The following IL33 variants were observed in gnomAD, a reference collection of about 807,000 sequenced individuals.
The protein encoded by IL33 is interleukin-33.
In IL33, 37 loss-of-function variants were observed where a neutral mutation model predicts 27.3. That is an observed-to-expected ratio of 1.36 (90% confidence interval 1.04 to 1.78). The LOEUF is 1.78. Among genes scored for constraint, IL33 ranks in the 40% most tolerant of loss-of-function variants. The pLI is 0.00. For missense variants in IL33, 406 were observed against 311.4 expected (o/e 1.30, Z -2.29); for synonymous variants, 132 against 102.9 (o/e 1.28, Z -1.71).
At chr9:6,237,927 A>G (rs890473731) in intron 1 of IL33, among the ~76,000 whole-genome samples, 1 of 152,212 alleles carries the variant, frequency 6.6e-6, no homozygotes, top group Non-Finnish European at 1.5e-5. Context: ...TATTTTATAT[A>G]CAACTTAAAA....
At chr9:6,241,660 T>G (rs1283836084) in intron 1 of IL33, 24 bp from the exon 2 acceptor site, 1 of 1,410,736 alleles carries the variant, frequency 7.1e-7, no homozygotes, top group African/African-American at 1.4e-5. Context: ...ACAAATGAAC[T>G]AATATTATAT....
chr9:6,222,910 A>G (rs1305582084), intron 1 of IL33, among the ~76,000 whole-genome samples: 8 of 152,146 alleles, frequency 5.3e-5, no homozygotes. Context: ...TCTTTCTTTC[A>G]AGCTTTTTAA....
At chr9:6,235,629 G>C (rs1260560214) in intron 1 of IL33, among the ~76,000 whole-genome samples, 1 of 151,744 alleles carries the variant, frequency 6.6e-6, no homozygotes, top group African/African-American at 2.4e-5. Context: ...CACAGACAAG[G>C]GTCTAATTTC....
chr9:6,228,483 A>G (rs944486036), intron 1 of IL33, among the ~76,000 whole-genome samples: 1 of 152,166 alleles, frequency 6.6e-6, no homozygotes, highest in African/African-American at 2.4e-5. Context: ...GAGTTAAACT[A>G]AAACCAAAGG....
chr9:6,257,182 G>A lies in IL33; in HGVS notation c.*1014G>A, dbSNP rs1816785204. 1.3e-5 allele frequency: 2 copies of A among 152,026 alleles called. No individual in the cohort carries two copies. Among genetic ancestry groups the A allele is most frequent in the Non-Finnish European group, 2.9e-5 (2 of 67,992 alleles). 9.4% of individuals were successfully genotyped at this position (152,026 alleles called of 1,614,324 possible). A position where few individuals can be genotyped will look rare whatever the true frequency, so the allele number is the denominator to read the frequency against. On this transcript the variant is annotated 3_prime_UTR_variant, in exon 8 of 8. Transcript: ENST00000682010. ...CATCCCTTCTGACCCTGGCTTCCAG[G>A]GACCTATGTCTTTTAATACTCACTG... is the stretch of plus-strand genomic sequence containing the variant.
chr9:6,240,296 T>A (rs143346868), intron 1 of IL33, among the ~76,000 whole-genome samples: 60 of 152,248 alleles, frequency 3.9e-4, no homozygotes, highest in African/African-American at 1.4e-3. Flanking sequence ...AAGAAATACA[T>A]TCATTTGGTC....
intron 2 of IL33, among the ~76,000 whole-genome samples, chr9:6,249,515 A>T (rs950746548): frequency 6.6e-6 from 1 of 152,216 alleles, no homozygotes; most frequent in African/African-American, 2.4e-5. Context: ...TAGCAAATTT[A>T]ATTTTCTTTT....
chr9:6,219,584 C>A (rs569538855), intron 1 of IL33, among the ~76,000 whole-genome samples: 31 of 152,258 alleles, frequency 2.0e-4, no homozygotes, highest in African/African-American at 7.5e-4. Context: ...CATTGACCAG[C>A]TGTGTAATTT....
At chr9:6,226,186 AT>A (rs1038964036) in intron 1 of IL33, among the ~76,000 whole-genome samples, 47 of 150,798 alleles carry the variant, frequency 3.1e-4, no homozygotes, top group African/African-American at 5.6e-4. Flanking sequence ...TTTTTTAATT[AT>A]TTTTTTTTAA....
intron 6 of IL33, among the ~76,000 whole-genome samples, 195 bp downstream of exon 6, chr9:6,253,797 A>G (rs1203011959): frequency 1.3e-5 from 2 of 152,208 alleles, no homozygotes; most frequent in African/African-American, 4.8e-5. Context: ...GTTAGGATAA[A>G]GTTTTGGCTA....
intron 6 of IL33, among the ~76,000 whole-genome samples, chr9:6,254,066 A>G (rs1816577969): frequency 6.6e-6 from 1 of 152,086 alleles, no homozygotes; most frequent in African/African-American, 2.4e-5. Flanking sequence ...CTCTTATCTC[A>G]CATTGGTCAG....
intron 2 of IL33, among the ~76,000 whole-genome samples, chr9:6,247,552 T>C (rs1819935585): frequency 6.6e-6 from 1 of 152,208 alleles, no homozygotes; most frequent in African/African-American, 2.4e-5. Context: ...GGATTCATGC[T>C]GCTGTTATGA....
chr9:6,252,053 A>C (rs1447398888), intron 4 of IL33, among the ~76,000 whole-genome samples: 1 of 15,888 alleles, frequency 6.3e-5, no homozygotes, highest in Admixed American at 7.4e-4. Flanking sequence ...ACAAACAAAC[A>C]AACAAAAAAA....
intron 2 of IL33, among the ~76,000 whole-genome samples, chr9:6,244,760 C>A (rs1448943918): frequency 6.6e-6 from 1 of 152,148 alleles, no homozygotes; most frequent in East Asian, 1.9e-4. Flanking sequence ...CAAGATATGT[C>A]ATATCTTGTT....
intron 1 of IL33, among the ~76,000 whole-genome samples, chr9:6,230,064 T>C (rs901907930): frequency 6.6e-6 from 1 of 152,088 alleles, no homozygotes; most frequent in Non-Finnish European, 1.5e-5. Context: ...GTAGAGAGTA[T>C]GGAGGGAGGG....
At chr9:6,232,524 C>T (rs895239140) in intron 1 of IL33, among the ~76,000 whole-genome samples, 10 of 151,988 alleles carry the variant, frequency 6.6e-5, no homozygotes, top group African/African-American at 2.4e-4. Context: ...ACTCCTTACT[C>T]TCTCCCTCCT....
At chr9:6,218,912 A>G (rs1439134423) in intron 1 of IL33, among the ~76,000 whole-genome samples, 7 of 85,462 alleles carry the variant, frequency 8.2e-5, no homozygotes, top group Non-Finnish European at 1.3e-4. Context: ...ATATATATAT[A>G]TATATATATA....
chr9:6,256,269 A>G lies in IL33; in HGVS notation c.*101A>G. 1.2e-6 allele frequency: 1 copy of G among 807,822 alleles called. No homozygotes were observed. Among genetic ancestry groups the G allele is most frequent in the Non-Finnish European group, 2.0e-6 (1 of 490,012 alleles). The allele number at this position is 807,822 out of a possible 1,614,324, so 50.0% of individuals were successfully genotyped here. ...GACAGGTGACATCTAAGGGAAATGA[A>G]GAGTGCTTAGCATGTGTGGAATGTT... On this transcript the variant is annotated 3_prime_UTR_variant, in exon 8 of 8. Coordinates refer to ENST00000682010, the MANE Select transcript of IL33 (RefSeq NM_033439.4).
chr9:6,248,944 T>C (rs1816172919), intron 2 of IL33, among the ~76,000 whole-genome samples: 1 of 152,198 alleles, frequency 6.6e-6, no homozygotes, highest in African/African-American at 2.4e-5. Context: ...AGAAAATGAA[T>C]TAATACAACA....
Sources: allele counts gnomAD v4.1 joint callset (sites outside exome capture counted in the v4.1 genomes callset), GRCh38; gene constraint gnomAD v4.1.1; transcripts MANE v1.5; gene names NCBI Gene and HGNC (gene_info 2026-07-23, HGNC 2026-07-21).